GBE1: variants seen among roughly 807,000 people sequenced by gnomAD.
GBE1 encodes the protein 1,4-alpha-glucan branching enzyme 1, also known as 1,4-alpha-glucan-branching enzyme.
Under a neutral mutation model 88.8 loss-of-function variants are expected in GBE1, and 70 were observed. The observed-to-expected ratio is 0.79, with a 90% confidence interval of 0.65 to 0.96. The LOEUF is 0.96. Among genes scored for constraint, GBE1 ranks in the 40% least tolerant of loss-of-function variants. GBE1 has a pLI of 0.00. For missense variants in GBE1, 872 were observed against 871.0 expected, an observed-to-expected ratio of 1.00 and a Z score of -0.01; for synonymous variants, 284 against 300.1, an observed-to-expected ratio of 0.95 and a Z score of 0.56.
chr3:81,678,079 T>C (rs538922106), intron 2 of GBE1, among the ~76,000 whole-genome samples: 1 of 152,308 alleles, frequency 6.6e-6, no homozygotes, highest in South Asian at 2.1e-4. Flanking sequence ...GTAATATCAT[T>C]ATGGTGTAAA....
chr3:81,617,736 G>A (rs926701182), intron 7 of GBE1, among the ~76,000 whole-genome samples: 1 of 151,844 alleles, frequency 6.6e-6, no homozygotes, highest in African/African-American at 2.4e-5. Context: ...TTCATAAAAT[G>A]AATTGGGTAG....
intron 7 of GBE1, among the ~76,000 whole-genome samples, chr3:81,621,451 G>A (rs965047283): frequency 6.6e-6 from 1 of 152,066 alleles, no homozygotes; most frequent in African/African-American, 2.4e-5. Flanking sequence ...CCCTCCTCCT[G>A]GCTTTCAAAG....
At chr3:81,743,028 CT>C (rs978129986) in intron 1 of GBE1, among the ~76,000 whole-genome samples, 3 of 152,082 alleles carry the variant, frequency 2.0e-5, no homozygotes, top group Non-Finnish European at 4.4e-5. Context: ...CAAAACACCC[CT>C]GAGTACAAAT....
At chr3:81,674,854 G>C (rs972745067) in intron 2 of GBE1, among the ~76,000 whole-genome samples, 1 of 151,982 alleles carries the variant, frequency 6.6e-6, no homozygotes, top group East Asian at 1.9e-4. Flanking sequence ...ATGCAGACCT[G>C]AGGATGGAAA....
chr3:81,663,539 C>T, intron 3 of GBE1, among the ~76,000 whole-genome samples: 1 of 152,122 alleles, frequency 6.6e-6, no homozygotes, highest in African/African-American at 2.4e-5. Context: ...TACTTCCACT[C>T]GATAAAACCT....
intron 15 of GBE1, among the ~76,000 whole-genome samples, chr3:81,496,792 C>A (rs145782290): frequency 6.6e-6 from 1 of 152,144 alleles, no homozygotes; most frequent in Non-Finnish European, 1.5e-5. Flanking sequence ...GTATTTTACT[C>A]GTCTGTGTGG....
rs141754650 is a variant in GBE1 at position 81,758,673 on chromosome 3, TC to T, written c.143+2701del. ...AATAACTAAATAAAAGGTAGAAAAA[TC>T]AAGTGGAAAATGCTATTTTGGGAGG... On this transcript the variant is annotated intron_variant, in intron 1 of 15. Transcript: ENST00000429644. 5.0e-3 allele frequency among the ~76,000 whole-genome samples: 768 copies of T among 152,242 alleles called. 1 individual carries two copies. Among genetic ancestry groups the T allele is most frequent in the African/African-American group, 0.018 (737 of 41,538 alleles).
At chr3:81,754,045 T>C (rs557951308) in intron 1 of GBE1, among the ~76,000 whole-genome samples, 1 of 152,280 alleles carries the variant, frequency 6.6e-6, no homozygotes, top group Non-Finnish European at 1.5e-5. Context: ...AACATGATTA[T>C]ATACCTACAA....
chr3:81,559,066 T>G (rs1398609173), intron 12 of GBE1, among the ~76,000 whole-genome samples: 1 of 152,074 alleles, frequency 6.6e-6, no homozygotes, highest in African/African-American at 2.4e-5. Flanking sequence ...GAAAATTTTT[T>G]TTCATTTTCA....
At position 81,705,606 on chromosome 3, in the gene GBE1, G is replaced by T. The variant is rs1705762755; in HGVS notation, c.151C>A (p.Gln51Lys). Residue 51 changes from glutamine (Q) to lysine (K), a missense_variant, in exon 2 of 16, where the codon CAG becomes AAG. Gln to Lys is a moderately conservative substitution (Grantham distance 53). Coordinates refer to ENST00000429644, the MANE Select transcript of GBE1 (RefSeq NM_000158.4). Reference sequence around the variant, plus strand: ...ATGTTCTTCAAAATTTGGCTAAACTGCTTATACCTTTGAAGAAGTATGAAA... The same window carrying T: ...ATGTTCTTCAAAATTTGGCTAAACTTCTTATACCTTTGAAGAAGTATGAAA... ...YAVDFQRRYKQFSQILKNIGE... is the reference protein window; with the variant it reads ...YAVDFQRRYKKFSQILKNIGE... 1 of 1,541,708 alleles carries T rather than the reference G, an allele frequency of 6.5e-7. No homozygotes were observed. Among genetic ancestry groups the T allele is most frequent in the African/African-American group, 1.4e-5 (1 of 72,390 alleles).
intron 14 of GBE1, 38 bp from the exon 15 acceptor site, chr3:81,499,265 G>T: frequency 2.5e-6 from 3 of 1,187,100 alleles, no homozygotes; most frequent in Non-Finnish European, 3.7e-6. Context: ...TTGAGGAGTT[G>T]AATGAGACAT....
intron 15 of GBE1, among the ~76,000 whole-genome samples, chr3:81,494,037 C>A (rs182369210): frequency 1.3e-5 from 2 of 151,770 alleles, no homozygotes; most frequent in Non-Finnish European, 2.9e-5. Flanking sequence ...AAAAAAAAAC[C>A]CTTTGGTTCA....
chr3:81,605,407 A>G (rs955257633), intron 7 of GBE1, among the ~76,000 whole-genome samples: 1 of 152,208 alleles, frequency 6.6e-6, no homozygotes, highest in East Asian at 1.9e-4. Flanking sequence ...AGAAATGGCC[A>G]AGTGTCACCA....
intron 3 of GBE1, among the ~76,000 whole-genome samples, chr3:81,657,594 C>A (rs2107089897): frequency 6.6e-6 from 1 of 152,100 alleles, no homozygotes; most frequent in Non-Finnish European, 1.5e-5. Context: ...TAAAACTGTA[C>A]ATAGTTAATC....
At chr3:81,686,303 T>C (rs569934897) in intron 2 of GBE1, among the ~76,000 whole-genome samples, 93 of 152,090 alleles carry the variant, frequency 6.1e-4, no homozygotes, top group Non-Finnish European at 9.4e-4. Context: ...CATCTACTAC[T>C]GCAGGAAGAT....
chr3:81,722,894 GTGTATA>G (rs1348320099), intron 1 of GBE1, among the ~76,000 whole-genome samples: 1 of 135,034 alleles, frequency 7.4e-6, no homozygotes, highest in South Asian at 2.3e-4. Context: ...GTGTGTGTGT[GTGTATA>G]TATATATATA....
chr3:81,527,767 T>C (rs1030856704), intron 14 of GBE1, among the ~76,000 whole-genome samples: 3 of 152,020 alleles, frequency 2.0e-5, no homozygotes, highest in African/African-American at 7.2e-5. Context: ...ACACTGTTAG[T>C]GGGAATGTAA....
intron 12 of GBE1, among the ~76,000 whole-genome samples, chr3:81,546,983 A>G (rs1052765239): frequency 2.6e-5 from 4 of 151,370 alleles, no homozygotes; most frequent in African/African-American, 9.7e-5. Context: ...TCCTGACCCA[A>G]AGACTAACTT....
chr3:81,750,615 A>ACGTATATATATATG (rs1441745903), intron 1 of GBE1, among the ~76,000 whole-genome samples: 1 of 69,528 alleles, frequency 1.4e-5, no homozygotes, highest in African/African-American at 8.9e-5. Flanking sequence ...ATATATATAT[A>ACGTATATATATATG]TGTATATATA....
Sources: gnomAD v4.1 joint callset for allele counts (sites outside exome capture counted in the v4.1 genomes callset) on GRCh38, gnomAD v4.1.1 for gene constraint, MANE v1.5 for transcripts, NCBI Gene and HGNC (gene_info 2026-07-23, HGNC 2026-07-21) for gene names.